Variants in GRM7 observed in about 807,000 individuals in gnomAD.
GRM7 encodes glutamate metabotropic receptor 7.
In GRM7, 35 loss-of-function variants were observed where a neutral mutation model predicts 84.5. That is an observed-to-expected ratio of 0.41 (90% CI 0.32 to 0.55). The LOEUF (loss-of-function observed/expected upper bound fraction) is 0.55. Ranked by LOEUF, GRM7 falls within the 20% of genes least tolerant of loss-of-function variation. The probability of loss-of-function intolerance (pLI) is 0.19; values close to 1 mark genes in which losing one functional copy is unlikely to be tolerated. For synonymous variants in GRM7, 487 were observed against 455.1 expected (o/e 1.07, Z -0.89); for missense variants, 1,003 against 1,194.6 (o/e 0.84, Z 2.36).
intron 5 of GRM7, among the ~76,000 whole-genome samples, chr3:7,448,705 C>T (rs943407434): frequency 2.0e-5 from 3 of 152,080 alleles, no homozygotes; most frequent in Admixed American, 6.6e-5. Flanking sequence ...AAATTTAATA[C>T]GTAAGTCTTC....
At chr3:7,035,297 A>G (rs1022256370) in intron 1 of GRM7, among the ~76,000 whole-genome samples, 5 of 152,300 alleles carry the variant, frequency 3.3e-5, no homozygotes, top group South Asian at 2.1e-4. Flanking sequence ...TTCCTGCTCA[A>G]TTAGGAAAGA....
At chr3:7,438,830 C>T (rs963591265) in intron 5 of GRM7, among the ~76,000 whole-genome samples, 4 of 152,054 alleles carry the variant, frequency 2.6e-5, no homozygotes, top group African/African-American at 9.7e-5. Flanking sequence ...GGGGGACACA[C>T]ACAATATATA....
At chr3:7,412,280 G>T (rs370357125) in intron 4 of GRM7, among the ~76,000 whole-genome samples, 3 of 152,176 alleles carry the variant, frequency 2.0e-5, no homozygotes, top group South Asian at 4.1e-4. Flanking sequence ...TACATGACTA[G>T]TGTTGAGAAG....
At chr3:7,485,009 C>T (rs1699268427) in intron 7 of GRM7, among the ~76,000 whole-genome samples, 1 of 152,160 alleles carries the variant, frequency 6.6e-6, no homozygotes, top group Admixed American at 6.6e-5. Flanking sequence ...TGGCAAGGAA[C>T]TGAGGCACTT....
At chr3:7,519,016 G>A (rs554007814) in intron 7 of GRM7, among the ~76,000 whole-genome samples, 92 of 152,222 alleles carry the variant, frequency 6.0e-4, no homozygotes, top group African/African-American at 1.6e-3. Flanking sequence ...GTGACAATGA[G>A]GCATTATTCT....
At chr3:7,701,486 G>T (rs977646171) in intron 9 of GRM7, among the ~76,000 whole-genome samples, 1 of 152,050 alleles carries the variant, frequency 6.6e-6, no homozygotes, top group Admixed American at 6.6e-5. Flanking sequence ...GTATGTTTTA[G>T]TAGAGACAGG....
chr3:7,614,087 A>G (rs1696970748), intron 8 of GRM7, among the ~76,000 whole-genome samples: 2 of 152,042 alleles, frequency 1.3e-5, no homozygotes, highest in Admixed American at 1.3e-4. Context: ...AACATGGTGA[A>G]ACTCCGTCTC....
chr3:7,319,548 A>C (rs1177458299), intron 4 of GRM7, among the ~76,000 whole-genome samples: 1 of 152,002 alleles, frequency 6.6e-6, no homozygotes, highest in African/African-American at 2.4e-5. Flanking sequence ...GGTCTTTCTG[A>C]GATTTCTAGT....
chr3:7,577,963 C>T (rs1208778768), intron 7 of GRM7, among the ~76,000 whole-genome samples: 1 of 152,152 alleles, frequency 6.6e-6, no homozygotes, highest in Non-Finnish European at 1.5e-5. Flanking sequence ...ATAAGTGTAG[C>T]TTTTCATACT....
At chr3:7,463,067 T>C (rs942970517) in intron 7 of GRM7, among the ~76,000 whole-genome samples, 3 of 151,978 alleles carry the variant, frequency 2.0e-5, no homozygotes, top group Admixed American at 2.0e-4. Context: ...TCAAAGTGTG[T>C]TTTTACTGGG....
chr3:7,199,849 A>G (rs1247160017), intron 2 of GRM7, among the ~76,000 whole-genome samples: 1 of 152,198 alleles, frequency 6.6e-6, no homozygotes, highest in Non-Finnish European at 1.5e-5. Flanking sequence ...GATTCATGTC[A>G]TATATATGGA....
intron 7 of GRM7, among the ~76,000 whole-genome samples, chr3:7,551,528 G>A (rs546595808): frequency 2.6e-5 from 4 of 151,850 alleles, no homozygotes; most frequent in Admixed American, 2.6e-4. Flanking sequence ...TACAAGTAGG[G>A]TAAAATCCCA....
intron 1 of GRM7, among the ~76,000 whole-genome samples, chr3:7,028,010 T>C (rs2124922686): frequency 6.6e-6 from 1 of 151,902 alleles, no homozygotes. Flanking sequence ...TGATAGTAAA[T>C]CTTATTTTCT....
intron 1 of GRM7, among the ~76,000 whole-genome samples, chr3:7,070,410 C>A (rs2124982904): frequency 6.6e-6 from 1 of 152,188 alleles, no homozygotes; most frequent in African/African-American, 2.4e-5. Flanking sequence ...GAATGATTTG[C>A]ATTAATTACA....
intron 1 of GRM7, among the ~76,000 whole-genome samples, chr3:7,114,082 C>A (rs944435314): frequency 6.6e-5 from 10 of 152,068 alleles, no homozygotes; most frequent in African/African-American, 2.2e-4. Context: ...TTAAAATCAG[C>A]TGTGTCATGG....
chr3:7,006,615 T>C (rs1695190104), intron 1 of GRM7, among the ~76,000 whole-genome samples: 1 of 152,194 alleles, frequency 6.6e-6, no homozygotes, highest in South Asian at 2.1e-4. Flanking sequence ...TATTATTCAG[T>C]GTGTAATTTT....
At chr3:7,262,913 G>C (rs894658715) in intron 2 of GRM7, among the ~76,000 whole-genome samples, 2 of 140,684 alleles carry the variant, frequency 1.4e-5, no homozygotes, top group African/African-American at 2.7e-5. Flanking sequence ...GGCCAGACTG[G>C]TCTTGAACTC....
chr3:6,889,771 C>G (rs566764104), intron 1 of GRM7, among the ~76,000 whole-genome samples: 112 of 152,134 alleles, frequency 7.4e-4, no homozygotes, highest in African/African-American at 2.6e-3. Context: ...AGGATTCCCT[C>G]TTTTTCTATT....
chr3:7,721,512 CA>C (rs1701947992), intron 9 of GRM7, among the ~76,000 whole-genome samples: 1 of 152,196 alleles, frequency 6.6e-6, no homozygotes, highest in African/African-American at 2.4e-5. Flanking sequence ...TTCACTTGAT[CA>C]GTGCAGACAT....
Sources: gnomAD v4.1 joint callset for allele counts (sites outside exome capture counted in the v4.1 genomes callset) on GRCh38, gnomAD v4.1.1 for gene constraint, MANE v1.5 for transcripts, NCBI Gene and HGNC (gene_info 2026-07-23, HGNC 2026-07-21) for gene names.